THSD4: variants seen among roughly 807,000 people sequenced by gnomAD.
The protein encoded by THSD4 is thrombospondin type-1 domain-containing protein 4.
THSD4 carries 69 observed loss-of-function variants against 119.0 expected under a neutral mutation model. That is an observed-to-expected ratio of 0.58 (90% confidence interval 0.48 to 0.71). The LOEUF is 0.71. Among genes scored for constraint, THSD4 ranks in the 30% least tolerant of loss-of-function variants. THSD4 has a pLI of 0.00. For missense variants in THSD4, 1,393 were observed against 1,391.1 expected, an observed-to-expected ratio of 1.00 and a Z score of -0.02; for synonymous variants, 524 against 540.4, an observed-to-expected ratio of 0.97 and a Z score of 0.42.
Position 71,748,411 on chromosome 15 carries a change from TGTGTTTCA to T in THSD4, c.2242-6_2243del. 6.2e-7 allele frequency: 1 copy of T among 1,613,944 alleles called. No homozygotes were observed. On this transcript the variant is annotated splice_acceptor_variant and splice_polypyrimidine_tract_variant and intron_variant, in intron 13 of 17. Transcript: ENST00000261862. LOFTEE classifies it high-confidence loss of function. ...GCTGGTTCCCCTGACGTCAGTGTGCTGTGTTTCAGTGCTCGGTGCCCTGCGGCGTGGGA... is the reference window on the plus strand; with the variant it reads ...GCTGGTTCCCCTGACGTCAGTGTGCTGTGCTCGGTGCCCTGCGGCGTGGGA...
chr15:71,211,706 C>T (rs1422180333), intron 3 of THSD4, among the ~76,000 whole-genome samples: 1 of 152,160 alleles, frequency 6.6e-6, no homozygotes, highest in Non-Finnish European at 1.5e-5. Context: ...ACTGGGTTGT[C>T]TGTTTCTTAT....
At chr15:71,495,617 G>A (rs1330291666) in intron 7 of THSD4, among the ~76,000 whole-genome samples, 1 of 152,136 alleles carries the variant, frequency 6.6e-6, no homozygotes, top group Non-Finnish European at 1.5e-5. Context: ...GCTGGGTCAT[G>A]ACAGCTGTAG....
chr15:71,626,579 A>G (rs552771425), intron 7 of THSD4, among the ~76,000 whole-genome samples: 2 of 152,350 alleles, frequency 1.3e-5, no homozygotes, highest in African/African-American at 4.8e-5. Context: ...TGCTTTATTT[A>G]AATTGCATCT....
At chr15:71,504,383 G>A (rs909592768) in intron 7 of THSD4, among the ~76,000 whole-genome samples, 9 of 152,224 alleles carry the variant, frequency 5.9e-5, no homozygotes, top group African/African-American at 2.2e-4. Context: ...TGATTTTATG[G>A]AGAAGAATTG....
chr15:71,297,825 A>G (rs1459569099), intron 6 of THSD4, among the ~76,000 whole-genome samples: 2 of 152,092 alleles, frequency 1.3e-5, no homozygotes, highest in Non-Finnish European at 2.9e-5. Flanking sequence ...TTCAGTTTTG[A>G]GAGTTTTTTT....
chr15:71,676,243 A>T (rs2051647001), intron 8 of THSD4, among the ~76,000 whole-genome samples: 1 of 152,196 alleles, frequency 6.6e-6, no homozygotes, highest in African/African-American at 2.4e-5. Flanking sequence ...TGTATAATTC[A>T]GTGGCATTAA....
At chr15:71,608,237 A>AAAAAATAT (rs537013275) in intron 7 of THSD4, among the ~76,000 whole-genome samples, 5 of 111,624 alleles carry the variant, frequency 4.5e-5, no homozygotes, top group East Asian at 5.9e-4. Flanking sequence ...AAAAAAAAAA[A>AAAAAATAT]ATATATATAT....
At chr15:71,131,841 C>T (rs1472712247) in intron 1 of THSD4, among the ~76,000 whole-genome samples, 2 of 152,164 alleles carry the variant, frequency 1.3e-5, no homozygotes, top group African/African-American at 4.8e-5. Flanking sequence ...TCTCTTTCCC[C>T]TTGTTTGTTC....
chr15:71,128,526 C>CA (rs60507084), intron 1 of THSD4, among the ~76,000 whole-genome samples: 118,312 of 131,716 alleles, frequency 0.9, 53,274 homozygotes, highest in East Asian at 0.98. Context: ...GACTCTGCCT[C>CA]AAAAAAAAAA....
rs139932352 is a variant in THSD4, at chr15:71,423,255, A to G, written c.1152+11432A>G. On this transcript the variant is annotated intron_variant, in intron 7 of 17. Transcript: ENST00000261862. ...TCTTCCCTCTGCTTTTCTCAAGCAGAAGGAGTTTCTGTCCATAGCCACCAC... is the reference window on the plus strand; with the variant it reads ...TCTTCCCTCTGCTTTTCTCAAGCAGGAGGAGTTTCTGTCCATAGCCACCAC... Among the ~76,000 whole-genome samples, 712 of 152,294 alleles carry G rather than the reference A, an allele frequency of 4.7e-3. 2 individuals are homozygous for G. The highest frequency in any genetic ancestry group is 0.011 in the Admixed American group (163 of 15,298).
intron 7 of THSD4, among the ~76,000 whole-genome samples, chr15:71,573,480 G>A (rs2049396537): frequency 6.6e-6 from 1 of 152,162 alleles, no homozygotes; most frequent in African/African-American, 2.4e-5. Context: ...TTGGCCAAAG[G>A]AATGTTTCTA....
At chr15:71,497,090 T>C (rs1023515884) in intron 7 of THSD4, among the ~76,000 whole-genome samples, 4 of 152,040 alleles carry the variant, frequency 2.6e-5, no homozygotes, top group Admixed American at 2.6e-4. Flanking sequence ...AAAGGAAAGA[T>C]GTTGTGCAGT....
At chr15:71,243,212 C>A (rs563053237) in intron 5 of THSD4, 116 bp downstream of exon 5, 27 of 1,004,460 alleles carry the variant, frequency 2.7e-5, no homozygotes, top group Non-Finnish European at 3.7e-5. Context: ...TGTTAACACA[C>A]CTTTTAATCT....
At chr15:71,209,962 T>C (rs563496870) in intron 3 of THSD4, among the ~76,000 whole-genome samples, 8 of 152,364 alleles carry the variant, frequency 5.3e-5, no homozygotes, top group African/African-American at 1.9e-4. Context: ...CCTTCCACCA[T>C]GATTGTGGAA....
At chr15:71,572,271 A>G (rs914009671) in intron 7 of THSD4, among the ~76,000 whole-genome samples, 2 of 152,250 alleles carry the variant, frequency 1.3e-5, no homozygotes, top group Admixed American at 6.5e-5. Flanking sequence ...TTCCTGTATC[A>G]TTAAATAGTC....
At chr15:71,618,581 TTTA>T (rs2050363070) in intron 7 of THSD4, among the ~76,000 whole-genome samples, 1 of 152,140 alleles carries the variant, frequency 6.6e-6, no homozygotes, top group Admixed American at 6.5e-5. Flanking sequence ...TCAACATTAT[TTTA>T]TTATTAAGAG....
intron 7 of THSD4, among the ~76,000 whole-genome samples, chr15:71,640,528 C>A (rs566375210): frequency 3.9e-5 from 6 of 152,224 alleles, no homozygotes; most frequent in African/African-American, 1.4e-4. Flanking sequence ...TAAGTTGAGG[C>A]CACTGACCCA....
chr15:71,155,445 A>G (rs1227268008), intron 3 of THSD4, among the ~76,000 whole-genome samples: 1 of 152,232 alleles, frequency 6.6e-6, no homozygotes, highest in Non-Finnish European at 1.5e-5. Flanking sequence ...ACAATTCGAC[A>G]TGAGATTTGG....
intron 7 of THSD4, among the ~76,000 whole-genome samples, chr15:71,601,055 C>G (rs1314060365): frequency 6.6e-6 from 1 of 152,066 alleles, no homozygotes; most frequent in East Asian, 1.9e-4. Context: ...CCTATCATGC[C>G]TATCTTAAAG....
Sources: allele counts gnomAD v4.1 joint callset (sites outside exome capture counted in the v4.1 genomes callset), GRCh38; gene constraint gnomAD v4.1.1; transcripts MANE v1.5; gene names NCBI Gene and HGNC (gene_info 2026-07-23, HGNC 2026-07-21).